ACTN4: variants seen among roughly 807,000 people sequenced by gnomAD.
ACTN4 encodes alpha-actinin-4.
Under a neutral mutation model 114.2 loss-of-function variants are expected in ACTN4, and 18 were observed. The ratio of observed to expected loss-of-function variants is 0.16; its 90% CI spans 0.11 to 0.23. The LOEUF (loss-of-function observed/expected upper bound fraction) is 0.23. Ranked by LOEUF, ACTN4 falls within the 10% of genes least tolerant of loss-of-function variation. The probability of loss-of-function intolerance (pLI) is 1.00; values close to 1 mark genes in which losing one functional copy is unlikely to be tolerated. For missense variants in ACTN4, 722 were observed against 1,262.9 expected (o/e 0.57, Z 6.49); for synonymous variants, 515 against 506.3 (o/e 1.02, Z -0.23).
Position 38,731,095 on chromosome 19 carries a change from G to T in ACTN4, c.*1663G>T, listed in dbSNP as rs368072860. Reference sequence around the variant, plus strand: ...TTCCCCCCATGCCCCACCATGCCGGGGTGGTACTCACAGAAGATGCAGGTG... The same window carrying T: ...TTCCCCCCATGCCCCACCATGCCGGTGTGGTACTCACAGAAGATGCAGGTG... On this transcript the variant is annotated 3_prime_UTR_variant, in exon 21 of 21. Coordinates refer to ENST00000252699, the MANE Select transcript of ACTN4 (RefSeq NM_004924.6). 133 of 1,606,406 alleles carry T rather than the reference G, an allele frequency of 8.3e-5. No individual in the cohort carries two copies. Among genetic ancestry groups the T allele is most frequent in the Non-Finnish European group, 1.1e-4 (130 of 1,177,062 alleles).
intron 17 of ACTN4, among the ~76,000 whole-genome samples, chr19:38,726,723 A>G (rs912314317): frequency 1.3e-5 from 2 of 152,206 alleles, no homozygotes; most frequent in Non-Finnish European, 2.9e-5. Context: ...CCGGCACAAG[A>G]TTCATGGGTC....
intron 1 of ACTN4, among the ~76,000 whole-genome samples, chr19:38,665,218 G>A (rs1966917790): frequency 6.6e-6 from 1 of 152,138 alleles, no homozygotes; most frequent in Non-Finnish European, 1.5e-5. Flanking sequence ...AAGAAGGCTG[G>A]GCCAGAGCAT....
chr19:38,706,404 C>T (rs1036225714), intron 5 of ACTN4, among the ~76,000 whole-genome samples: 2 of 152,214 alleles, frequency 1.3e-5, no homozygotes, highest in African/African-American at 4.8e-5. Context: ...CAAGGTGACT[C>T]TCAGAAGCAA....
chr19:38,717,355 C>A lies in ACTN4; in HGVS notation c.1143+39C>A. On this transcript the variant is annotated intron_variant, in intron 10 of 20. Transcript: ENST00000252699. This position sits in a 1 kb window ranked among gnomAD's most constrained non-coding sequence, Gnocchi z 4.0. ...TTCACATGGGAGCAGCTGTGAGGGG[C>A]AGAGGCAGCCCTAGAACTGCCTGTG... The A allele has an allele frequency of 6.2e-7, 1 of 1,601,936 alleles. No individual in the cohort carries two copies.
At chr19:38,712,253 G>A (rs375339964) in intron 8 of ACTN4, among the ~76,000 whole-genome samples, 1 of 152,074 alleles carries the variant, frequency 6.6e-6, no homozygotes, top group South Asian at 2.1e-4. Flanking sequence ...AGAAGGGGGG[G>A]GCCGTACCTT....
At chr19:38,673,511 ATATATT>A (rs1431299800) in intron 1 of ACTN4, among the ~76,000 whole-genome samples, 3,397 of 92,438 alleles carry the variant, frequency 0.037, 90 homozygotes, top group East Asian at 0.065. Flanking sequence ...ATATATGAAT[ATATATT>A]TATATATATT....
At chr19:38,704,331 G>A (rs1968382391) in intron 3 of ACTN4, among the ~76,000 whole-genome samples, 3 of 152,220 alleles carry the variant, frequency 2.0e-5, no homozygotes, top group Non-Finnish European at 1.5e-5. Flanking sequence ...GCTCGCTGCT[G>A]TGTCGATGTG....
chr19:38,704,205 G>A (rs974278149), intron 3 of ACTN4, among the ~76,000 whole-genome samples: 3 of 152,256 alleles, frequency 2.0e-5, no homozygotes, highest in Non-Finnish European at 4.4e-5. Context: ...CAGCTACTCG[G>A]GAGACTGAGG....
chr19:38,712,941 G>T (rs1968708478), intron 8 of ACTN4, among the ~76,000 whole-genome samples: 1 of 152,014 alleles, frequency 6.6e-6, no homozygotes, highest in Non-Finnish European at 1.5e-5. Flanking sequence ...GGGCCTGGAG[G>T]CTTGTCACTG....
chr19:38,717,708 G>T lies in ACTN4; in HGVS notation c.1144-219G>T, dbSNP rs1968890576. Reference sequence around the variant, plus strand: ...CTATGGTATTCATCCATTCATTCATGCACTCACCCGTTCACGCATTCATTT... The same window carrying T: ...CTATGGTATTCATCCATTCATTCATTCACTCACCCGTTCACGCATTCATTT... On this transcript the variant is annotated intron_variant, in intron 10 of 20. Coordinates refer to ENST00000252699, the MANE Select transcript of ACTN4 (RefSeq NM_004924.6). The surrounding 1 kb of genome is among the most constrained non-coding windows in gnomAD (Gnocchi z 4.0). 6.6e-6 allele frequency among the ~76,000 whole-genome samples: 1 copy of T among 152,176 alleles called. No individual in the cohort carries two copies. Among genetic ancestry groups the T allele is most frequent in the Non-Finnish European group, 1.5e-5 (1 of 68,028 alleles).
chr19:38,706,140 C>T lies in ACTN4; in HGVS notation c.572+9C>T, dbSNP rs1968451798. 1.9e-6 allele frequency: 3 copies of T among 1,612,128 alleles called. No homozygotes were observed. Among genetic ancestry groups the T allele is most frequent in the South Asian group, 1.1e-5 (1 of 91,038 alleles). Reference sequence around the variant, plus strand: ...CAGAACTTCCACATCAGGTAAGCGCCAGTCCTGGTCATCCTCTCCTTTCCT... The same window carrying T: ...CAGAACTTCCACATCAGGTAAGCGCTAGTCCTGGTCATCCTCTCCTTTCCT... On this transcript the variant is annotated intron_variant, in intron 5 of 20. Coordinates refer to ENST00000252699, the MANE Select transcript of ACTN4 (RefSeq NM_004924.6).
At chr19:38,674,708 TC>T (rs1407257086) in intron 1 of ACTN4, among the ~76,000 whole-genome samples, 1 of 152,294 alleles carries the variant, frequency 6.6e-6, no homozygotes, top group Admixed American at 6.5e-5. Flanking sequence ...ACCAGACTCT[TC>T]CCTTTTTAGG....
chr19:38,656,854 C>T (rs1175634249), intron 1 of ACTN4, among the ~76,000 whole-genome samples: 1 of 152,166 alleles, frequency 6.6e-6, no homozygotes, highest in Non-Finnish European at 1.5e-5. Flanking sequence ...ATCTTTTCCC[C>T]TCCCTGATGT....
intron 12 of ACTN4, 95 bp downstream of exon 12, chr19:38,721,783 G>A (rs1180360137): frequency 2.8e-5 from 44 of 1,561,902 alleles, no homozygotes; most frequent in Non-Finnish European, 3.5e-5. Flanking sequence ...CCTGCCTCAA[G>A]GCCTGGAATA....
At position 38,718,012 on chromosome 19, in the gene ACTN4, G is replaced by A. The variant is rs1207553410; in HGVS notation, c.1229G>A (p.Arg410Gln). ...CTGAATGAGATCCGCAGGCTGGAGCGGCTCGACCACCTGGCAGAGAAGTTC... is the reference window on the plus strand; with the variant it reads ...CTGAATGAGATCCGCAGGCTGGAGCAGCTCGACCACCTGGCAGAGAAGTTC... ...WLLNEIRRLERLDHLAEKFRQ... is the reference protein window; with the variant it reads ...WLLNEIRRLEQLDHLAEKFRQ... Residue 410 changes from arginine to glutamine, a missense_variant, in exon 11 of 21, where the codon CGG becomes CAG. Transcript: ENST00000252699. 2.5e-5 allele frequency: 40 copies of A among 1,607,708 alleles called. No individual in the cohort carries two copies. The highest frequency in any genetic ancestry group is 3.1e-5 in the Non-Finnish European group (36 of 1,177,350).
chr19:38,724,404 G>T lies in ACTN4; in HGVS notation c.1876-27G>T, dbSNP rs1317417393. 2 of 1,611,866 alleles carry T rather than the reference G, an allele frequency of 1.2e-6. No homozygotes were observed. The highest frequency in any genetic ancestry group is 1.7e-6 in the Non-Finnish European group (2 of 1,179,456). ...GGGGCTGGGGGCCACCTCCCTGACCGCTCCCACACCGCGTCTCCTCTGCCA... is the reference window on the plus strand; with the variant it reads ...GGGGCTGGGGGCCACCTCCCTGACCTCTCCCACACCGCGTCTCCTCTGCCA... On this transcript the variant is annotated intron_variant, in intron 15 of 20. Coordinates refer to ENST00000252699, the MANE Select transcript of ACTN4 (RefSeq NM_004924.6). This position sits in a 1 kb window ranked among gnomAD's most constrained non-coding sequence, Gnocchi z 7.0.
chr19:38,702,628 G>A (rs767779788), intron 3 of ACTN4, among the ~76,000 whole-genome samples: 5 of 152,164 alleles, frequency 3.3e-5, no homozygotes, highest in Admixed American at 6.5e-5. Context: ...CCTGAGGCTC[G>A]AGCTGCCTCG....
chr19:38,679,672 G>GC (rs1260383353), intron 1 of ACTN4, among the ~76,000 whole-genome samples: 2 of 151,300 alleles, frequency 1.3e-5, no homozygotes, highest in African/African-American at 4.9e-5. Flanking sequence ...GCTCACTGCG[G>GC]CCTCTGAACT....
chr19:38,668,810 A>AC (rs1967044159), intron 1 of ACTN4, among the ~76,000 whole-genome samples: 2 of 152,204 alleles, frequency 1.3e-5, no homozygotes, highest in African/African-American at 4.8e-5. Flanking sequence ...ACTGAAGTAA[A>AC]CCCATTGACT....
Sources: gnomAD v4.1 joint callset for allele counts (sites outside exome capture counted in the v4.1 genomes callset) on GRCh38, gnomAD v4.1.1 for gene constraint, Gnocchi (gnomAD v3.1) non-coding constraint, MANE v1.5 for transcripts, NCBI Gene and HGNC (gene_info 2026-07-23, HGNC 2026-07-21) for gene names.